The following ADGRL3 variants were observed in gnomAD, a reference collection of about 807,000 sequenced individuals.
ADGRL3 encodes calcium-independent alpha-latrotoxin receptor 3.
A neutral mutation model predicts 153.5 loss-of-function variants in ADGRL3; 62 were observed. That is an observed-to-expected ratio of 0.40 (90% CI 0.33 to 0.50). The LOEUF is 0.50. ADGRL3 is among the 20% of genes least tolerant of loss of function. ADGRL3 has a pLI of 0.47. For missense variants in ADGRL3, 1,641 were observed against 1,859.4 expected (o/e 0.88, Z 2.16); for synonymous variants, 710 against 672.5 (o/e 1.06, Z -0.86).
At position 61,616,510 on chromosome 4, in the gene ADGRL3, C is replaced by A. The variant is rs111889936; in HGVS notation, c.473+29070C>A. ...AGCAACACAAAAACCACAAGAGACG[C>A]CTTGTCCTTCTCAAACAGCTTGATT... On this transcript the variant is annotated intron_variant, in intron 5 of 26. Transcript: ENST00000683033. Among the ~76,000 whole-genome samples the A allele has an allele frequency of 3.1e-4, 47 of 152,214 alleles. 2 individuals are homozygous for A. The highest frequency in any genetic ancestry group is 1.1e-3 in the African/African-American group (46 of 41,544).
At chr4:61,823,269 AAT>A (rs2097771778) in intron 9 of ADGRL3, among the ~76,000 whole-genome samples, 1 of 152,164 alleles carries the variant, frequency 6.6e-6, no homozygotes, top group Non-Finnish European at 1.5e-5. Flanking sequence ...GTTCTGAAAA[AAT>A]ATGTTTAATG....
intron 2 of ADGRL3, among the ~76,000 whole-genome samples, chr4:61,416,343 G>A (rs1321317400): frequency 6.6e-6 from 1 of 151,946 alleles, no homozygotes; most frequent in Admixed American, 6.6e-5. Context: ...AAAATTAAAA[G>A]CCTTTAAACT....
chr4:61,490,774 C>G (rs570550886), intron 2 of ADGRL3, among the ~76,000 whole-genome samples: 1 of 151,468 alleles, frequency 6.6e-6, no homozygotes, highest in African/African-American at 2.4e-5. Context: ...CCAAGAGTTT[C>G]AGGAGAAACT....
intron 1 of ADGRL3, among the ~76,000 whole-genome samples, chr4:61,309,576 A>G (rs186307126): frequency 6.6e-6 from 1 of 152,296 alleles, no homozygotes; most frequent in East Asian, 1.9e-4. Flanking sequence ...CTTTTCACTT[A>G]AGAGCCAGAA....
chr4:61,679,564 ATAGT>A (rs2095288645), intron 6 of ADGRL3, among the ~76,000 whole-genome samples: 1 of 152,108 alleles, frequency 6.6e-6, no homozygotes, highest in Non-Finnish European at 1.5e-5. Context: ...CTTATTTAAA[ATAGT>A]TATAGTTTAT....
chr4:61,715,017 G>C (rs1561111877), intron 6 of ADGRL3, among the ~76,000 whole-genome samples: 1 of 152,062 alleles, frequency 6.6e-6, no homozygotes, highest in African/African-American at 2.4e-5. Flanking sequence ...TAATTATTTA[G>C]TATTATGAAA....
intron 4 of ADGRL3, among the ~76,000 whole-genome samples, chr4:61,542,170 C>A (rs998201169): frequency 5.9e-5 from 9 of 152,024 alleles, no homozygotes; most frequent in East Asian, 1.9e-4. Flanking sequence ...CTAAAAGGAA[C>A]CTTTGGGATC....
chr4:61,392,167 C>A (rs1432534833), intron 2 of ADGRL3, among the ~76,000 whole-genome samples: 1 of 151,584 alleles, frequency 6.6e-6, no homozygotes, highest in Non-Finnish European at 1.5e-5. Flanking sequence ...CCCTGCCCGG[C>A]CAAAATGCTA....
chr4:61,559,488 C>A (rs894931025), intron 4 of ADGRL3, among the ~76,000 whole-genome samples: 1 of 152,050 alleles, frequency 6.6e-6, no homozygotes, highest in East Asian at 1.9e-4. Flanking sequence ...CTGCACCCAT[C>A]GTGGCATTTT....
intron 4 of ADGRL3, among the ~76,000 whole-genome samples, chr4:61,538,345 C>T (rs956030372): frequency 8.5e-5 from 13 of 152,146 alleles, no homozygotes; most frequent in Non-Finnish European, 1.8e-4. Flanking sequence ...GACACACCAT[C>T]TTCTGCGGGT....
At chr4:61,854,012 G>A (rs2098237145) in intron 9 of ADGRL3, among the ~76,000 whole-genome samples, 1 of 152,154 alleles carries the variant, frequency 6.6e-6, no homozygotes. Flanking sequence ...GTTATCATTT[G>A]CAGATATGGT....
chr4:61,321,781 G>A lies in ADGRL3; in HGVS notation c.-239-61343G>A, dbSNP rs545859541. 2.0e-4 allele frequency among the ~76,000 whole-genome samples: 31 copies of A among 152,254 alleles called. 1 individual carries two copies. The South Asian group carries it at 5.6e-3, about 27-fold the overall frequency. On this transcript the variant is annotated intron_variant, in intron 1 of 26. Transcript: ENST00000683033. ...TATGGGACCCAATGTCATGCATGTG[G>A]TCTGTTGTTGAGTGAAATGTTGTTA...
At chr4:61,373,274 T>C (rs564286910) in intron 1 of ADGRL3, among the ~76,000 whole-genome samples, 4 of 152,338 alleles carry the variant, frequency 2.6e-5, no homozygotes, top group African/African-American at 7.2e-5. Flanking sequence ...TTCTAAAATA[T>C]CTAGTTCATC....
At chr4:61,371,481 C>A (rs976866057) in intron 1 of ADGRL3, among the ~76,000 whole-genome samples, 22 of 151,570 alleles carry the variant, frequency 1.5e-4, no homozygotes, top group Non-Finnish European at 2.8e-4. Flanking sequence ...ATTTCTCCTT[C>A]ACTTATGAAG....
At chr4:61,840,671 GC>G (rs1292339966) in intron 9 of ADGRL3, among the ~76,000 whole-genome samples, 1 of 152,130 alleles carries the variant, frequency 6.6e-6, no homozygotes, top group Non-Finnish European at 1.5e-5. Flanking sequence ...TTCCTTGATA[GC>G]CCCTCCTTAG....
intron 25 of ADGRL3, among the ~76,000 whole-genome samples, chr4:62,046,805 A>G (rs1357426546): frequency 5.9e-5 from 9 of 151,942 alleles, no homozygotes; most frequent in Admixed American, 5.9e-4. Context: ...CTCAAGTCAG[A>G]AACTCCTAGT....
intron 25 of ADGRL3, among the ~76,000 whole-genome samples, chr4:62,053,726 T>C (rs1026318955): frequency 6.6e-6 from 1 of 151,598 alleles, no homozygotes; most frequent in Non-Finnish European, 1.5e-5. Context: ...TATTCACGGA[T>C]ACCTTATTTG....
intron 8 of ADGRL3, among the ~76,000 whole-genome samples, chr4:61,768,480 A>G (rs1048364796): frequency 6.6e-6 from 1 of 152,032 alleles, no homozygotes; most frequent in Non-Finnish European, 1.5e-5. Flanking sequence ...GCTAGGAAGG[A>G]ACTGATGTGT....
rs560071955 is a variant in ADGRL3, at chr4:61,541,479, G to A, written c.259+23961G>A. On this transcript the variant is annotated intron_variant, in intron 4 of 26. Transcript: ENST00000683033. ...TGCCATTTTATATCTTTGAAAGCCT[G>A]TGTGTCTAAGGAAATATCAACAGAA... Among the ~76,000 whole-genome samples, 119 of 150,404 alleles carry A rather than the reference G, an allele frequency of 7.9e-4. 2 individuals are homozygous for A. In the South Asian group the frequency reaches 0.025, roughly 32 times the overall value.
Sources: allele counts gnomAD v4.1 joint callset (sites outside exome capture counted in the v4.1 genomes callset), GRCh38; gene constraint gnomAD v4.1.1; transcripts MANE v1.5; gene names NCBI Gene and HGNC (gene_info 2026-07-23, HGNC 2026-07-21).